Variants in RALGPS1 observed in about 807,000 individuals in gnomAD.
RALGPS1 encodes ras-specific guanine nucleotide-releasing factor RalGPS1.
In RALGPS1, 19 loss-of-function variants were observed where a neutral mutation model predicts 78.8. The observed-to-expected ratio is 0.24, with a 90% CI of 0.17 to 0.35. The LOEUF is 0.35. RALGPS1 is among the 10% of genes least tolerant of loss of function. The probability of loss-of-function intolerance (pLI) is 1.00; values close to 1 mark genes in which losing one functional copy is unlikely to be tolerated. For synonymous variants in RALGPS1, 228 were observed against 256.3 expected, an observed-to-expected ratio of 0.89 and a Z score of 1.06; for missense variants, 454 against 688.3, an observed-to-expected ratio of 0.66 and a Z score of 3.81.
intron 1 of RALGPS1, among the ~76,000 whole-genome samples, chr9:126,919,245 T>C (rs376989473): frequency 6.6e-6 from 1 of 152,214 alleles, no homozygotes; most frequent in Non-Finnish European, 1.5e-5. Context: ...TTGACTGATA[T>C]AAGCATAATT....
intron 8 of RALGPS1, among the ~76,000 whole-genome samples, chr9:127,072,206 C>T (rs896588809): frequency 9.9e-5 from 15 of 152,094 alleles, no homozygotes; most frequent in Admixed American, 7.9e-4. Context: ...CGATGCACCA[C>T]GTTTAATTTA....
In RALGPS1 at chr9:127,045,752, C is replaced by CACAT. The variant is rs1358165444; in HGVS notation, c.301-4288_301-4287insTACA. Among the ~76,000 whole-genome samples, 138 of 89,860 alleles carry CACAT rather than the reference C, an allele frequency of 1.5e-3. 1 individual carries two copies. Among genetic ancestry groups the CACAT allele is most frequent in the African/African-American group, 6.2e-3 (133 of 21,282 alleles). The allele number at this position is 89,860 out of a possible 152,430, so 59.0% of individuals were successfully genotyped here. ...TAGTACACACACACACACACACACA[C>CACAT]ACACACACATACACACACACACACA... On this transcript the variant is annotated intron_variant, in intron 5 of 18. Transcript: ENST00000259351.
intron 8 of RALGPS1, among the ~76,000 whole-genome samples, chr9:127,142,710 T>C (rs936437997): frequency 2.6e-5 from 4 of 152,216 alleles, no homozygotes; most frequent in Admixed American, 2.6e-4. Flanking sequence ...GAGGGTTGTG[T>C]AGTTAATTGC....
intron 1 of RALGPS1, among the ~76,000 whole-genome samples, chr9:126,932,893 A>G (rs892279267): frequency 1.3e-5 from 2 of 152,226 alleles, no homozygotes; most frequent in Non-Finnish European, 2.9e-5. Flanking sequence ...TGCCACCACA[A>G]GAGCGGGCAG....
intron 7 of RALGPS1, among the ~76,000 whole-genome samples, chr9:127,057,720 G>A (rs569045251): frequency 7.2e-5 from 11 of 152,324 alleles, no homozygotes; most frequent in South Asian, 6.2e-4. Context: ...ACACATCACC[G>A]TGTGGCTGTT....
chr9:127,189,468 C>T (rs1173951590), intron 11 of RALGPS1, among the ~76,000 whole-genome samples: 1 of 152,188 alleles, frequency 6.6e-6, no homozygotes, highest in Non-Finnish European at 1.5e-5. Flanking sequence ...TGAACCTAAC[C>T]CCGTCGCCAG....
chr9:126,952,827 C>G (rs1360802099), intron 1 of RALGPS1, among the ~76,000 whole-genome samples: 3 of 152,072 alleles, frequency 2.0e-5, no homozygotes, highest in Non-Finnish European at 2.9e-5. Flanking sequence ...TTGTCTTTGT[C>G]TAGCTTCTGT....
At chr9:126,942,428 T>C (rs903315412) in intron 1 of RALGPS1, among the ~76,000 whole-genome samples, 2 of 152,228 alleles carry the variant, frequency 1.3e-5, no homozygotes, top group African/African-American at 4.8e-5. Flanking sequence ...AACAAATTCC[T>C]CTTTTTCCCA....
chr9:127,107,401 C>A (rs2054322622), intron 8 of RALGPS1, among the ~76,000 whole-genome samples: 1 of 152,216 alleles, frequency 6.6e-6, no homozygotes, highest in African/African-American at 2.4e-5. Flanking sequence ...CAGCAGCAGA[C>A]TCTAGGAAGT....
At chr9:126,916,365 A>G (rs1276500991) in intron 1 of RALGPS1, among the ~76,000 whole-genome samples, 1 of 152,206 alleles carries the variant, frequency 6.6e-6, no homozygotes, top group Non-Finnish European at 1.5e-5. Context: ...AAGCAGCAGA[A>G]CATTTGTTTG....
chr9:126,922,591 T>G (rs934294334), intron 1 of RALGPS1, among the ~76,000 whole-genome samples: 12 of 152,222 alleles, frequency 7.9e-5, no homozygotes, highest in Non-Finnish European at 1.3e-4. Flanking sequence ...GTGCATCTGT[T>G]TATTTTTTCC....
intron 2 of RALGPS1, among the ~76,000 whole-genome samples, chr9:126,965,574 C>CT (rs1405298270): frequency 6.6e-6 from 1 of 152,132 alleles, no homozygotes; most frequent in East Asian, 1.9e-4. Flanking sequence ...GCTGAGATAC[C>CT]TTGGAGAAGT....
intron 8 of RALGPS1, among the ~76,000 whole-genome samples, chr9:127,128,155 A>C (rs993831849): frequency 1.3e-5 from 2 of 152,012 alleles, no homozygotes; most frequent in African/African-American, 2.4e-5. Flanking sequence ...AGTTTCATCC[A>C]TGTCCCTGCA....
At chr9:127,182,479 G>C (rs1212969955) in intron 11 of RALGPS1, among the ~76,000 whole-genome samples, 1 of 147,074 alleles carries the variant, frequency 6.8e-6, no homozygotes, top group Non-Finnish European at 1.5e-5. Context: ...ACCCAGGCTG[G>C]AGTGCAGTGA....
In RALGPS1 at chr9:127,218,834, G is replaced by A; in HGVS notation, c.*65G>A. On this transcript the variant is annotated 3_prime_UTR_variant, in exon 19 of 19. Coordinates refer to ENST00000259351, the MANE Select transcript of RALGPS1 (RefSeq NM_014636.3). The surrounding 1 kb of genome is among the most constrained non-coding windows in gnomAD (Gnocchi z 4.4). ...AACCCAGGCTGGGCCTGGTGGTGAAGAGCAGTCCTGGGCACAGGCTGTGAG... is the reference window on the plus strand; with the variant it reads ...AACCCAGGCTGGGCCTGGTGGTGAAAAGCAGTCCTGGGCACAGGCTGTGAG... 4 of 1,548,684 alleles carry A rather than the reference G, an allele frequency of 2.6e-6. No homozygotes were observed. The highest frequency in any genetic ancestry group is 3.6e-6 in the Non-Finnish European group (4 of 1,120,500).
chr9:126,944,566 A>ATGGGGAGGGAAATTGGG (rs961985091), intron 1 of RALGPS1, among the ~76,000 whole-genome samples: 1 of 95,668 alleles, frequency 1.0e-5, no homozygotes, highest in African/African-American at 4.2e-5. Context: ...AAGGGAGACT[A>ATGGGGAGGGAAATTGGG]TGGGGAGGGA....
intron 4 of RALGPS1, among the ~76,000 whole-genome samples, chr9:126,998,974 C>A (rs566766827): frequency 5.1e-4 from 65 of 128,090 alleles, no homozygotes; most frequent in African/African-American, 1.9e-3. Context: ...ACAATGAGAA[C>A]ATGTGGACAC....
rs752766118 is a variant in RALGPS1, at chr9:127,205,116, G to A, written c.1247+6050G>A. ...TTCTTCCCCTGAGTCTGGTGTCCTC[G>A]GGTTCATTCTGCTGCCTGGTGCCTG... On this transcript the variant is annotated intron_variant, in intron 14 of 18. Coordinates refer to ENST00000259351, the MANE Select transcript of RALGPS1 (RefSeq NM_014636.3). This position sits in a 1 kb window ranked among gnomAD's most constrained non-coding sequence, Gnocchi z 4.0. Among the ~76,000 whole-genome samples, 3 of 152,218 alleles carry A rather than the reference G, an allele frequency of 2.0e-5. No homozygotes were observed. The highest frequency in any genetic ancestry group is 4.8e-5 in the African/African-American group (2 of 41,450).
At chr9:127,046,910 A>G (rs2076271239) in intron 5 of RALGPS1, among the ~76,000 whole-genome samples, 1 of 152,166 alleles carries the variant, frequency 6.6e-6, no homozygotes, top group Admixed American at 6.5e-5. Flanking sequence ...CAAAACAAAC[A>G]AACAAAAAAC....
Sources: allele counts gnomAD v4.1 joint callset (sites outside exome capture counted in the v4.1 genomes callset), GRCh38; gene constraint gnomAD v4.1.1; non-coding constraint Gnocchi (gnomAD v3.1); transcripts MANE v1.5; gene names NCBI Gene and HGNC (gene_info 2026-07-23, HGNC 2026-07-21).